The following RGS6 variants were observed in gnomAD, a reference collection of about 807,000 sequenced individuals.
The protein encoded by RGS6 is regulator of G protein signaling 6, also known as regulator of G-protein signaling 6.
Under a neutral mutation model 78.5 loss-of-function variants are expected in RGS6, and 30 were observed. That is an observed-to-expected ratio of 0.38 (90% confidence interval 0.29 to 0.52). RGS6 has a LOEUF of 0.52. Among genes scored for constraint, RGS6 ranks in the 20% least tolerant of loss-of-function variants. The probability of loss-of-function intolerance (pLI) is 0.85; values close to 1 mark genes in which losing one functional copy is unlikely to be tolerated. For synonymous variants in RGS6, 206 were observed against 206.0 expected (o/e 1.00, Z 0.00); for missense variants, 495 against 609.7 (o/e 0.81, Z 1.98).
At chr14:72,094,375 AG>A (rs2095353644) in intron 2 of RGS6, among the ~76,000 whole-genome samples, 1 of 152,232 alleles carries the variant, frequency 6.6e-6, no homozygotes, top group Non-Finnish European at 1.5e-5. Flanking sequence ...AATGAGGTAT[AG>A]CTCTTGGAGA....
chr14:71,914,824 G>C, the RGS6 span, among the ~76,000 whole-genome samples: 12 of 151,570 alleles, frequency 7.9e-5, no homozygotes, highest in Non-Finnish European at 4.4e-5. Flanking sequence ...TTCTGCTTGA[G>C]CTTATTTTTG....
At chr14:72,616,685 C>T in the RGS6 span, among the ~76,000 whole-genome samples, 1 of 152,270 alleles carries the variant, frequency 6.6e-6, no homozygotes, top group Admixed American at 6.5e-5. Flanking sequence ...AGGTGACTTG[C>T]CCAGTGTCAC....
chr14:72,108,585 C>T (rs183681156), intron 2 of RGS6, among the ~76,000 whole-genome samples: 2 of 152,010 alleles, frequency 1.3e-5, no homozygotes, highest in East Asian at 3.9e-4. Flanking sequence ...TTTATCAATT[C>T]TTGAAGGCTT....
At position 72,472,872 on chromosome 14, in the gene RGS6, G is replaced by T. The variant is rs1473908278; in HGVS notation, c.537G>T (p.Lys179Asn). The change falls in exon 9 of 18, where the codon AAG (lysine) becomes AAT (asparagine). Residue 179 changes from lysine to asparagine, a missense_variant and splice_region_variant. By Grantham distance (94) the Lys-to-Asn change is moderately conservative. Coordinates refer to ENST00000553525, the MANE Select transcript of RGS6 (RefSeq NM_001204424.2). The stretch of plus-strand genomic sequence containing the variant: ...TTCCTTCCTCTCTTTACTCTTTCAG[G>T]ATTGACCGGAAAAAAGACAAGACAG... The part of the protein sequence containing the change: ...FIFMQAEAQV[K>N]IDRKKDKTER... 1 of 1,607,576 alleles carries T rather than the reference G, an allele frequency of 6.2e-7. No individual in the cohort carries two copies. Among genetic ancestry groups the T allele is most frequent in the Non-Finnish European group, 8.5e-7 (1 of 1,175,918 alleles).
the RGS6 span, among the ~76,000 whole-genome samples, chr14:71,923,423 T>TA: frequency 6.6e-6 from 1 of 151,956 alleles, no homozygotes; most frequent in Non-Finnish European, 1.5e-5. Flanking sequence ...TGGCATGGAT[T>TA]AAAAAAATTG....
At chr14:72,115,748 C>G (rs566210749) in intron 2 of RGS6, among the ~76,000 whole-genome samples, 2 of 152,324 alleles carry the variant, frequency 1.3e-5, no homozygotes, top group South Asian at 4.1e-4. Flanking sequence ...TCTTAGGGGT[C>G]TATACTAACC....
At chr14:72,025,918 C>G (rs2089747371) in intron 2 of RGS6, among the ~76,000 whole-genome samples, 1 of 152,028 alleles carries the variant, frequency 6.6e-6, no homozygotes, top group South Asian at 2.1e-4. Context: ...AAGGGACAAA[C>G]CTCAAAATAA....
At chr14:72,370,880 G>T (rs1304438419) in intron 3 of RGS6, among the ~76,000 whole-genome samples, 1 of 152,170 alleles carries the variant, frequency 6.6e-6, no homozygotes, top group Non-Finnish European at 1.5e-5. Flanking sequence ...TTTGAAGTCA[G>T]TTCGGTGAAT....
intron 3 of RGS6, among the ~76,000 whole-genome samples, chr14:72,437,167 C>CAAA (rs71109735): frequency 4.7e-4 from 35 of 75,008 alleles, no homozygotes; most frequent in African/African-American, 8.8e-4. Context: ...ACTAAAAATA[C>CAAA]AAAAAAAAAA....
chr14:72,441,070 CTG>C (rs930489543), intron 3 of RGS6, among the ~76,000 whole-genome samples: 18 of 152,094 alleles, frequency 1.2e-4, no homozygotes, highest in African/African-American at 4.1e-4. Flanking sequence ...GTATGTATGA[CTG>C]TGTGAGTGTG....
chr14:72,547,674 TG>T (rs1355590933), intron 17 of RGS6, among the ~76,000 whole-genome samples: 1 of 152,098 alleles, frequency 6.6e-6, no homozygotes, highest in East Asian at 1.9e-4. Flanking sequence ...GTTTGCTTAG[TG>T]GCTTCCCAAT....
chr14:72,251,177 C>T (rs548959638), intron 2 of RGS6, among the ~76,000 whole-genome samples: 1 of 152,210 alleles, frequency 6.6e-6, no homozygotes. Flanking sequence ...AGGGGCAGAA[C>T]TGCAAAGCAA....
intron 3 of RGS6, among the ~76,000 whole-genome samples, chr14:72,369,689 T>C (rs2152829030): frequency 6.6e-6 from 1 of 152,338 alleles, no homozygotes; most frequent in South Asian, 2.1e-4. Flanking sequence ...TGAACTTATG[T>C]AGTAGAATTA....
chr14:72,459,742 T>A, intron 6 of RGS6, 59 bp downstream of exon 6: 1 of 1,548,190 alleles, frequency 6.5e-7, no homozygotes, highest in African/African-American at 1.4e-5. Context: ...CTTCTGGGGG[T>A]GCAGAAGACA....
intron 2 of RGS6, among the ~76,000 whole-genome samples, chr14:72,256,651 A>G (rs578065596): frequency 2.0e-5 from 3 of 152,286 alleles, no homozygotes; most frequent in African/African-American, 4.8e-5. Context: ...GGAAAGGGCT[A>G]TTATCATCCT....
chr14:72,046,081 C>A (rs2092810495), intron 2 of RGS6, among the ~76,000 whole-genome samples: 1 of 152,052 alleles, frequency 6.6e-6, no homozygotes. Context: ...TCACTGACGT[C>A]ATCCATCCTC....
At chr14:72,556,638 C>G (rs1200309706) in intron 17 of RGS6, among the ~76,000 whole-genome samples, 3 of 126,984 alleles carry the variant, frequency 2.4e-5, no homozygotes, top group Non-Finnish European at 4.7e-5. Flanking sequence ...TTACACCACA[C>G]ACAGCCTGAG....
At chr14:71,961,713 C>G (rs1595286401) in intron 1 of RGS6, among the ~76,000 whole-genome samples, 1 of 152,222 alleles carries the variant, frequency 6.6e-6, no homozygotes, top group East Asian at 1.9e-4. Flanking sequence ...TATTAACATG[C>G]TTTCTTTCTT....
At chr14:72,341,675 G>A (rs2077027756) in intron 2 of RGS6, among the ~76,000 whole-genome samples, 1 of 152,172 alleles carries the variant, frequency 6.6e-6, no homozygotes, top group Non-Finnish European at 1.5e-5. Flanking sequence ...GAATGATGGA[G>A]GACCTTGAAT....
Sources: allele counts gnomAD v4.1 joint callset (sites outside exome capture counted in the v4.1 genomes callset), GRCh38; gene constraint gnomAD v4.1.1; transcripts MANE v1.5; gene names NCBI Gene and HGNC (gene_info 2026-07-23, HGNC 2026-07-21).